USH2A: variants seen among roughly 807,000 people sequenced by gnomAD.
The protein encoded by USH2A is usherin.
USH2A carries 443 observed loss-of-function variants against 538.9 expected under a neutral mutation model. The ratio of observed to expected loss-of-function variants is 0.82; its 90% CI spans 0.76 to 0.89. The LOEUF (loss-of-function observed/expected upper bound fraction) is 0.89. USH2A is among the 40% of genes least tolerant of loss of function. The pLI is 0.00. For synonymous variants in USH2A, 2,413 were observed against 2,273.5 expected (o/e 1.06, Z -1.75); for missense variants, 6,633 against 6,324.8 (o/e 1.05, Z -1.65).
chr1:215,983,132 G>A (rs1217531525), intron 35 of USH2A, among the ~76,000 whole-genome samples: 1 of 152,070 alleles, frequency 6.6e-6, no homozygotes. Context: ...TGTATTTTTA[G>A]TAGAGACGGG....
intron 4 of USH2A, among the ~76,000 whole-genome samples, chr1:216,333,111 C>A (rs1277628328): frequency 6.6e-6 from 1 of 151,766 alleles, no homozygotes; most frequent in Non-Finnish European, 1.5e-5. Flanking sequence ...CAAAGTATGA[C>A]AATGATGCTT....
intron 3 of USH2A, among the ~76,000 whole-genome samples, chr1:216,372,867 G>C (rs771981068): frequency 2.6e-5 from 4 of 152,048 alleles, no homozygotes; most frequent in Admixed American, 2.6e-4. Flanking sequence ...ATATATCATT[G>C]TGCCTTTTTC....
At chr1:216,349,581 A>G (rs1444958738) in intron 4 of USH2A, among the ~76,000 whole-genome samples, 1 of 152,112 alleles carries the variant, frequency 6.6e-6, no homozygotes, top group Non-Finnish European at 1.5e-5. Context: ...GTCCTCACTG[A>G]TACTCTCCCA....
intron 35 of USH2A, among the ~76,000 whole-genome samples, chr1:215,971,791 T>C (rs1667499930): frequency 6.6e-6 from 1 of 152,182 alleles, no homozygotes; most frequent in Admixed American, 6.6e-5. Flanking sequence ...CATTGATTCA[T>C]GTAAATAGGG....
At chr1:215,947,589 C>T (rs1571837328) in intron 37 of USH2A, among the ~76,000 whole-genome samples, 1 of 152,092 alleles carries the variant, frequency 6.6e-6, no homozygotes, top group South Asian at 2.1e-4. Flanking sequence ...AACTTTTATT[C>T]ACAGAAGGCA....
At chr1:216,058,839 G>A (rs1425348375) in intron 30 of USH2A, among the ~76,000 whole-genome samples, 1 of 152,262 alleles carries the variant, frequency 6.6e-6, no homozygotes, top group Middle Eastern at 3.4e-3. Flanking sequence ...CTAATTGAAA[G>A]ATTCCTTCAT....
intron 1 of USH2A, among the ~76,000 whole-genome samples, chr1:216,422,913 C>T (rs2039703458): frequency 6.6e-6 from 1 of 151,946 alleles, no homozygotes; most frequent in Non-Finnish European, 1.5e-5. Context: ...CTCTACTTAA[C>T]AGGGAAAAGA....
intron 70 of USH2A, among the ~76,000 whole-genome samples, chr1:215,632,177 C>G (rs1656304880): frequency 6.6e-6 from 1 of 152,094 alleles, no homozygotes. Flanking sequence ...ATTCTCCTGC[C>G]TCAACCTCCC....
At chr1:216,403,107 C>T (rs2039336577) in intron 3 of USH2A, among the ~76,000 whole-genome samples, 1 of 152,034 alleles carries the variant, frequency 6.6e-6, no homozygotes, top group Non-Finnish European at 1.5e-5. Flanking sequence ...GGATTTATTT[C>T]AGGTATGTAA....
At chr1:215,951,313 C>G (rs1448128744) in intron 37 of USH2A, among the ~76,000 whole-genome samples, 1 of 152,100 alleles carries the variant, frequency 6.6e-6, no homozygotes, top group African/African-American at 2.4e-5. Flanking sequence ...CGTTATGTAC[C>G]CAGCAGTCAT....
At chr1:215,984,052 A>G (rs962697493) in intron 35 of USH2A, among the ~76,000 whole-genome samples, 1 of 152,206 alleles carries the variant, frequency 6.6e-6, no homozygotes. Context: ...TCACCCTCTC[A>G]TCTTTTGCCG....
intron 3 of USH2A, among the ~76,000 whole-genome samples, chr1:216,406,518 A>G (rs1226472275): frequency 6.6e-6 from 1 of 152,204 alleles, no homozygotes; most frequent in Non-Finnish European, 1.5e-5. Flanking sequence ...TTTTAAAAAT[A>G]TGCAAACCAA....
At chr1:216,417,120 G>A (rs2039589384) in intron 3 of USH2A, among the ~76,000 whole-genome samples, 1 of 151,968 alleles carries the variant, frequency 6.6e-6, no homozygotes, top group Non-Finnish European at 1.5e-5. Flanking sequence ...TCCCCTTTGT[G>A]TATCATTTCA....
At chr1:216,020,984 G>A (rs779281867) in intron 32 of USH2A, among the ~76,000 whole-genome samples, 2 of 152,162 alleles carry the variant, frequency 1.3e-5, no homozygotes, top group African/African-American at 4.8e-5. Flanking sequence ...TGGCTAAAGT[G>A]GGGACTCAAT....
intron 40 of USH2A, among the ~76,000 whole-genome samples, chr1:215,893,797 T>C (rs1369433509): frequency 2.0e-5 from 3 of 152,174 alleles, no homozygotes; most frequent in Admixed American, 6.5e-5. Flanking sequence ...GCAAGGTGGA[T>C]AGAATTTTTG....
Position 215,797,888 on chromosome 1 carries a change from C to T in USH2A, c.9958+1019G>A, listed in dbSNP as rs577339820. ...ATACATTTTGTAAGGCTATAGCTGC[C>T]ATAGATAGTAATTCCTCTGATGGAT... On this transcript the variant is annotated intron_variant, in intron 50 of 71. Coordinates refer to ENST00000307340, the MANE Select transcript of USH2A (RefSeq NM_206933.4). Among the ~76,000 whole-genome samples, 227 of 152,050 alleles carry T rather than the reference C, an allele frequency of 1.5e-3. 1 individual carries two copies. The highest frequency in any genetic ancestry group is 5.1e-3 in the African/African-American group (213 of 41,488).
chr1:215,982,949 T>TTTTA (rs1667783438), intron 35 of USH2A, among the ~76,000 whole-genome samples: 1 of 152,104 alleles, frequency 6.6e-6, no homozygotes, highest in South Asian at 2.1e-4. Context: ...TTTTATTTAA[T>TTTTA]TTTATTTATT....
chr1:215,965,210 A>T (rs1667308205), intron 37 of USH2A, 107 bp downstream of exon 37: 1 of 1,283,968 alleles, frequency 7.8e-7, no homozygotes, highest in Non-Finnish European at 1.1e-6. Flanking sequence ...AAATAAAGAA[A>T]CCAACATCTG....
At chr1:215,627,238 A>T (rs186829204) in intron 71 of USH2A, among the ~76,000 whole-genome samples, 4 of 152,292 alleles carry the variant, frequency 2.6e-5, no homozygotes, top group Admixed American at 2.6e-4. Context: ...GAGGAGAAAG[A>T]TGAGAGCAAA....
Sources: allele counts gnomAD v4.1 joint callset (sites outside exome capture counted in the v4.1 genomes callset), GRCh38; gene constraint gnomAD v4.1.1; transcripts MANE v1.5; gene names NCBI Gene and HGNC (gene_info 2026-07-23, HGNC 2026-07-21).